Variants in MTDH observed in about 807,000 individuals in gnomAD.
The protein encoded by MTDH is metadherin.
Under a neutral mutation model 72.7 loss-of-function variants are expected in MTDH, and 34 were observed. The observed-to-expected ratio is 0.47, with a 90% confidence interval of 0.36 to 0.62. MTDH has a LOEUF of 0.62. Among genes scored for constraint, MTDH ranks in the 20% least tolerant of loss-of-function variants. The pLI is 0.00. For missense variants in MTDH, 677 were observed against 699.4 expected (o/e 0.97, Z 0.36); for synonymous variants, 266 against 268.9 (o/e 0.99, Z 0.10).
rs1815295018 is a variant in MTDH at position 97,724,875 on chromosome 8, G to A, written c.*205G>A. ...AGGTCAGCAGAATATACTCAGTGAT[G>A]GAAGACACTTGGGAAAGTCTTTTTA... On this transcript the variant is annotated 3_prime_UTR_variant, in exon 12 of 12. Transcript: ENST00000336273. The A allele has an allele frequency of 2.5e-6, 1 of 401,090 alleles. No individual in the cohort carries two copies. 24.8% of individuals were successfully genotyped at this position (401,090 alleles called of 1,614,324 possible).
chr8:97,662,376 G>A (rs560562170), intron 2 of MTDH, among the ~76,000 whole-genome samples: 1 of 150,600 alleles, frequency 6.6e-6, no homozygotes, highest in East Asian at 1.9e-4. Flanking sequence ...TCTATGCATA[G>A]CCCCTTTTCA....
At chr8:97,655,669 G>A (rs72669701) in intron 1 of MTDH, among the ~76,000 whole-genome samples, 6,721 of 152,230 alleles carry the variant, frequency 0.044, 204 homozygotes, top group Non-Finnish European at 0.066. Flanking sequence ...AAGGGTAGAC[G>A]GGCCAGGTGC....
intron 1 of MTDH, among the ~76,000 whole-genome samples, chr8:97,645,649 G>T (rs996893749): frequency 6.6e-6 from 1 of 152,206 alleles, no homozygotes; most frequent in African/African-American, 2.4e-5. Context: ...TGAAAGCCGA[G>T]AGAGGAATTC....
At chr8:97,723,745 A>G (rs1359973808) in intron 11 of MTDH, among the ~76,000 whole-genome samples, 4 of 151,812 alleles carry the variant, frequency 2.6e-5, no homozygotes, top group Non-Finnish European at 5.9e-5. Flanking sequence ...TCTGTCTCAA[A>G]AAAAAAAGAG....
chr8:97,719,732 C>T (rs1260555746), intron 10 of MTDH, among the ~76,000 whole-genome samples: 2 of 152,098 alleles, frequency 1.3e-5, no homozygotes, highest in African/African-American at 4.8e-5. Context: ...GTATTTTCTC[C>T]TGCTAAATAT....
chr8:97,645,030 A>T (rs1040394873), intron 1 of MTDH, 143 bp downstream of exon 1: 4 of 914,554 alleles, frequency 4.4e-6, no homozygotes, highest in Non-Finnish European at 6.2e-6. Context: ...GTGGAGGAGG[A>T]GGTGATAGGT....
intron 8 of MTDH, among the ~76,000 whole-genome samples, chr8:97,709,319 T>C (rs966472551): frequency 2.2e-5 from 3 of 136,180 alleles, no homozygotes; most frequent in Admixed American, 1.5e-4. Flanking sequence ...AGATTGGACC[T>C]ACAAAAAGGC....
At chr8:97,662,303 C>T (rs1812203611) in intron 2 of MTDH, among the ~76,000 whole-genome samples, 1 of 150,234 alleles carries the variant, frequency 6.7e-6, no homozygotes, top group South Asian at 2.1e-4. Context: ...TCCCAAAGTG[C>T]TGGGATTACA....
rs1052582977 is a variant in MTDH at position 97,725,638 on chromosome 8, A to T, written c.*968A>T. The T allele has an allele frequency of 6.6e-6, 1 of 152,572 alleles. No homozygotes were observed. The highest frequency in any genetic ancestry group is 2.4e-5 in the African/African-American group (1 of 41,444). 9.5% of individuals were successfully genotyped at this position (152,572 alleles called of 1,614,324 possible). ...CAACACCTCCAGTTATCAGGAATAC[A>T]TTTTTTTACTGCCTTAACCTGTAGT... On this transcript the variant is annotated 3_prime_UTR_variant, in exon 12 of 12. Transcript: ENST00000336273.
intron 8 of MTDH, among the ~76,000 whole-genome samples, chr8:97,710,149 T>C (rs1814562133): frequency 6.6e-6 from 1 of 152,194 alleles, no homozygotes; most frequent in African/African-American, 2.4e-5. Context: ...GAAAATCTCT[T>C]AGCTAAGTTT....
chr8:97,670,952 G>GTTTTTTTTTTTTTTTTTTTTT (rs1160758851), intron 2 of MTDH, among the ~76,000 whole-genome samples: 2 of 77,974 alleles, frequency 2.6e-5, no homozygotes, highest in Non-Finnish European at 4.7e-5. Context: ...TGTTGTTGTT[G>GTTTTTTTTTTTTTTTTTTTTT]TTTTTTTTTT....
intron 7 of MTDH, among the ~76,000 whole-genome samples, chr8:97,705,450 A>G (rs1814312261): frequency 6.6e-6 from 1 of 151,372 alleles, no homozygotes; most frequent in Admixed American, 6.6e-5. Flanking sequence ...GAATACAAAA[A>G]TTAGCCAGGT....
chr8:97,652,061 T>C (rs1811792972), intron 1 of MTDH, among the ~76,000 whole-genome samples: 1 of 152,218 alleles, frequency 6.6e-6, no homozygotes, highest in Non-Finnish European at 1.5e-5. Context: ...TTTTCTAGTG[T>C]CACCTTAGCT....
chr8:97,720,585 A>G (rs112004777), intron 10 of MTDH, among the ~76,000 whole-genome samples: 1 of 137,888 alleles, frequency 7.3e-6, no homozygotes, highest in African/African-American at 3.4e-5. Flanking sequence ...AGAAGAATAT[A>G]TATATATTTA....
intron 11 of MTDH, 57 bp downstream of exon 11, chr8:97,723,092 G>A: frequency 6.4e-7 from 1 of 1,550,802 alleles, no homozygotes; most frequent in South Asian, 1.2e-5. Context: ...ATGTGTTAAG[G>A]TTCTGATCTT....
At chr8:97,671,818 C>A (rs972750010) in intron 2 of MTDH, among the ~76,000 whole-genome samples, 1 of 151,940 alleles carries the variant, frequency 6.6e-6, no homozygotes, top group Admixed American at 6.6e-5. Context: ...CCCTCCAGCC[C>A]GGATGGTAGA....
chr8:97,716,413 G>A (rs142898648), intron 9 of MTDH, among the ~76,000 whole-genome samples: 165 of 151,332 alleles, frequency 1.1e-3, no homozygotes, highest in African/African-American at 3.6e-3. Flanking sequence ...AAGTTAGGCC[G>A]GGTGCGGTGG....
chr8:97,683,586 C>A (rs866251156), intron 2 of MTDH, among the ~76,000 whole-genome samples: 2 of 151,428 alleles, frequency 1.3e-5, no homozygotes, highest in Admixed American at 6.6e-5. Flanking sequence ...GAGAGAGAAT[C>A]TCCCTGTGTG....
At chr8:97,676,788 G>A (rs180909904) in intron 2 of MTDH, among the ~76,000 whole-genome samples, 1 of 151,884 alleles carries the variant, frequency 6.6e-6, no homozygotes, top group Non-Finnish European at 1.5e-5. Context: ...CAGATCACGA[G>A]GTCAGGAGAT....
Sources: allele counts gnomAD v4.1 joint callset (sites outside exome capture counted in the v4.1 genomes callset), GRCh38; gene constraint gnomAD v4.1.1; transcripts MANE v1.5; gene names NCBI Gene and HGNC (gene_info 2026-07-23, HGNC 2026-07-21).